The following LACTBL1 variants were observed in gnomAD, a reference collection of about 807,000 sequenced individuals.
LACTBL1 encodes beta-lactamase-like protein 1.
A neutral mutation model predicts 39.6 loss-of-function variants in LACTBL1; 29 were observed. The observed-to-expected ratio is 0.73, with a 90% CI of 0.55 to 1.00. LACTBL1 has a LOEUF of 1.00. Among genes scored for constraint, LACTBL1 ranks in the 50% least tolerant of loss-of-function variants. The pLI, the probability that LACTBL1 is intolerant of heterozygous loss-of-function variation, is 0.00. For synonymous variants in LACTBL1, 361 were observed against 360.7 expected (o/e 1.00, Z -0.01); for missense variants, 711 against 748.5 (o/e 0.95, Z 0.59).
At chr1:22,970,714 G>A in the LACTBL1 span, among the ~76,000 whole-genome samples, 1 of 151,314 alleles carries the variant, frequency 6.6e-6, no homozygotes, top group African/African-American at 2.4e-5. Flanking sequence ...GAAGGCTGAG[G>A]TGTGAGGATT....
At chr1:22,971,510 C>T in the LACTBL1 span, among the ~76,000 whole-genome samples, 4 of 152,208 alleles carry the variant, frequency 2.6e-5, no homozygotes, top group African/African-American at 9.6e-5. Context: ...TCCACCACCC[C>T]CCAACCCCTG....
At chr1:22,953,392 C>A in exon 6 of LACTBL1, 1 of 1,228,180 alleles carries the variant, frequency 8.1e-7, no homozygotes, top group Non-Finnish European at 1.0e-6. Context: ...GGTGAAGTAG[C>A]CGGCGAAGGG....
intron 1 of LACTBL1, among the ~76,000 whole-genome samples, chr1:22,963,842 A>G (rs1640851247): frequency 1.3e-5 from 2 of 152,114 alleles, no homozygotes; most frequent in Non-Finnish European, 2.9e-5. Flanking sequence ...CTCCAGGACT[A>G]TTAATACATC....
At chr1:22,969,278 G>A (rs1227972505), upstream of LACTBL1, among the ~76,000 whole-genome samples, 1 of 152,060 alleles carries the variant, frequency 6.6e-6, no homozygotes, top group Non-Finnish European at 1.5e-5. Flanking sequence ...AATAAAGTAG[G>A]GATCCAATTT....
Position 22,955,432 on chromosome 1 carries a change from G to A in LACTBL1, c.554-6C>T, listed in dbSNP as rs1384444532. The A allele has an allele frequency of 1.3e-6, 2 of 1,545,862 alleles. No individual in the cohort carries two copies. Among genetic ancestry groups the A allele is most frequent in the South Asian group, 2.4e-5 (2 of 83,954 alleles). On this transcript the variant is annotated splice_region_variant and splice_polypyrimidine_tract_variant and intron_variant, in intron 4 of 5. Transcript: ENST00000426928. ...GCGCAGCCTTCTGGGCAGCCCTAGG[G>A]AGGAGCAGTGGTCAGACTTACCGGG...
At chr1:22,953,913 C>A in exon 6 of LACTBL1, 1 of 1,550,326 alleles carries the variant, frequency 6.5e-7, no homozygotes, top group Non-Finnish European at 8.7e-7. Context: ...TGTCTGCCAT[C>A]CCCAGCGGCT....
At chr1:22,953,937 C>T (rs1380540434) in exon 6 of LACTBL1, 15 of 1,550,216 alleles carry the variant, frequency 9.7e-6, no homozygotes, top group Admixed American at 5.9e-5. Context: ...GCACGTTCTC[C>T]GAGACCCAGC....
intron 1 of LACTBL1, among the ~76,000 whole-genome samples, chr1:22,964,189 G>A (rs994843623): frequency 6.6e-6 from 1 of 152,040 alleles, no homozygotes; most frequent in African/African-American, 2.4e-5. Flanking sequence ...CACCTGCCTC[G>A]GCCTCCCAAA....
upstream of LACTBL1, among the ~76,000 whole-genome samples, chr1:22,970,200 C>T (rs1396407062): frequency 6.6e-6 from 1 of 152,166 alleles, no homozygotes; most frequent in African/African-American, 2.4e-5. Flanking sequence ...CTGGAAACAA[C>T]CCAAATGCTC....
At chr1:22,956,063 C>CA (rs10582369) in intron 4 of LACTBL1, among the ~76,000 whole-genome samples, 62 of 76,548 alleles carry the variant, frequency 8.1e-4, no homozygotes, top group South Asian at 1.9e-3. Flanking sequence ...AACTCCATCT[C>CA]AAAAAAAAAA....
exon 6 of LACTBL1, chr1:22,953,099 GGCCGGGCACGTCGAA>G (rs758149226): frequency 9.2e-4 from 1,133 of 1,232,114 alleles, no homozygotes; most frequent in Non-Finnish European, 1.1e-3. Flanking sequence ...TACGTGTTGA[GGCCGGGCACGTCGAA>G]GCCGGGTGAC....
At chr1:22,965,315 C>T in exon 1 of LACTBL1, 2 of 1,322,136 alleles carry the variant, frequency 1.5e-6, no homozygotes, top group African/African-American at 1.5e-5. Flanking sequence ...GGAGGTGATA[C>T]TGCCACAGGA....
intron 1 of LACTBL1, 90 bp downstream of exon 3, chr1:22,965,200 C>T (rs1640864229): frequency 8.8e-7 from 1 of 1,137,178 alleles, no homozygotes; most frequent in Non-Finnish European, 1.1e-6. Flanking sequence ...TATGGTCCTC[C>T]CCTACACACT....
intron 2 of LACTBL1, among the ~76,000 whole-genome samples, chr1:22,961,564 A>G (rs1640822509): frequency 6.6e-6 from 1 of 151,900 alleles, no homozygotes; most frequent in African/African-American, 2.4e-5. Flanking sequence ...GGGTTTCACC[A>G]TATTGACCAG....
At chr1:22,964,424 A>G (rs1640857159) in intron 1 of LACTBL1, among the ~76,000 whole-genome samples, 1 of 152,150 alleles carries the variant, frequency 6.6e-6, no homozygotes, top group Non-Finnish European at 1.5e-5. Context: ...GCAGGAGTCC[A>G]CGCTGAGGGA....
chr1:22,955,475 T>C (rs778954971), intron 4 of LACTBL1, 49 bp from the exon 7 acceptor site: 59 of 1,293,582 alleles, frequency 4.6e-5, no homozygotes, highest in Non-Finnish European at 6.4e-5. Context: ...GAGGGTGGGA[T>C]GGTGGGCCCC....
chr1:22,958,709 G>A lies in LACTBL1; in HGVS notation c.529C>T (p.Arg177Ter), dbSNP rs768835210. The A allele has an allele frequency of 2.8e-5, 44 of 1,549,222 alleles. 1 individual carries two copies. Among genetic ancestry groups the A allele is most frequent in the Middle Eastern group, 1.7e-4 (1 of 6,004 alleles). The change falls in exon 4 of 6, where the codon CGA becomes TGA. Residue 177 changes from arginine (R) to a stop codon, truncating the protein, a stop_gained. Transcript: ENST00000426928. LOFTEE classifies it high-confidence loss of function. ...CCTGAGAGCTGGCTGGCCATCCTTC[G>A]AAGGGTGACAGGTGAAGGCCTTGGG...
At chr1:22,953,413 G>A in exon 6 of LACTBL1, 1 of 1,227,826 alleles carries the variant, frequency 8.1e-7, no homozygotes, top group Non-Finnish European at 1.0e-6. Flanking sequence ...GTGCGCGGTG[G>A]GCGGCGGAGC....
exon 6 of LACTBL1, chr1:22,953,402 G>A (rs962086646): frequency 4.9e-5 from 60 of 1,227,906 alleles, no homozygotes; most frequent in Non-Finnish European, 5.8e-5. Context: ...CCGGCGAAGG[G>A]GTGCGCGGTG....
Sources: gnomAD v4.1 joint callset for allele counts (sites outside exome capture counted in the v4.1 genomes callset) on GRCh38, gnomAD v4.1.1 for gene constraint, MANE v1.5 for transcripts, NCBI Gene and HGNC (gene_info 2026-07-23, HGNC 2026-07-21) for gene names.